The following DNAH9 variants were observed in gnomAD, a reference collection of about 807,000 sequenced individuals.
The protein encoded by DNAH9 is dynein axonemal heavy chain 9.
In DNAH9, 345 loss-of-function variants were observed where a neutral mutation model predicts 471.6. The observed-to-expected ratio is 0.73, with a 90% CI of 0.67 to 0.80. The LOEUF is 0.80. Ranked by LOEUF, DNAH9 falls within the 30% of genes least tolerant of loss-of-function variation. DNAH9 has a pLI of 0.00. For synonymous variants in DNAH9, 2,093 were observed against 2,123.6 expected (o/e 0.99, Z 0.40); for missense variants, 5,407 against 5,609.2 (o/e 0.96, Z 1.15).
intron 49 of DNAH9, among the ~76,000 whole-genome samples, chr17:11,839,740 T>C (rs953820952): frequency 6.6e-6 from 1 of 152,206 alleles, no homozygotes. Context: ...CTTTCCCTCC[T>C]GTTTTACTGT....
chr17:11,893,824 T>C (rs1477829285), intron 58 of DNAH9, among the ~76,000 whole-genome samples: 1 of 152,096 alleles, frequency 6.6e-6, no homozygotes, highest in Admixed American at 6.6e-5. Flanking sequence ...CCCATGTACA[T>C]CTATGTAACA....
At chr17:11,860,148 G>A (rs768532281) in intron 50 of DNAH9, among the ~76,000 whole-genome samples, 5 of 152,136 alleles carry the variant, frequency 3.3e-5, no homozygotes, top group African/African-American at 4.8e-5. Flanking sequence ...TTCTGTGAAC[G>A]TGTCTATATT....
intron 17 of DNAH9, among the ~76,000 whole-genome samples, chr17:11,679,203 G>A (rs549642602): frequency 6.6e-6 from 1 of 152,242 alleles, no homozygotes; most frequent in East Asian, 1.9e-4. Flanking sequence ...CTGCCATATA[G>A]TAAAGTGATA....
rs17612861 is a variant in DNAH9 at position 11,932,014 on chromosome 17, G to A, written c.12106G>A (p.Asp4036Asn). The change falls in exon 64 of 69, where the codon GAC becomes AAC. Residue 4036 changes from aspartate to asparagine, a missense_variant and splice_region_variant. Asp to Asn is a conservative substitution (Grantham distance 23). This residue lies in a region of DNAH9 where 4,636 missense variants were observed against 4,900.3 expected (regional missense o/e 0.95). Transcript: ENST00000262442. This position sits in a 1 kb window ranked among gnomAD's most constrained non-coding sequence, Gnocchi z 4.3. Reference sequence around the variant, plus strand: ...CTTAAAAGCGACACTCTCATTTCAGGACACTCTGGAGATGTGTTCTCGGGA... The same window carrying A: ...CTTAAAAGCGACACTCTCATTTCAGAACACTCTGGAGATGTGTTCTCGGGA... ...LHKALDNFTQ[D>N]TLEMCSRETE... The A allele has an allele frequency of 0.3, 489,697 of 1,613,426 alleles. 77,786 individuals carry two copies. The highest frequency in any genetic ancestry group is 0.34 in the Middle Eastern group (2,057 of 6,040).
chr17:11,640,759 C>T (rs572625675), intron 10 of DNAH9, among the ~76,000 whole-genome samples: 1 of 152,254 alleles, frequency 6.6e-6, no homozygotes, highest in African/African-American at 2.4e-5. Context: ...TCCTCAAGTG[C>T]AGTATGAGGT....
chr17:11,861,043 T>C (rs2150977048), intron 50 of DNAH9, among the ~76,000 whole-genome samples: 1 of 151,192 alleles, frequency 6.6e-6, no homozygotes, highest in Middle Eastern at 3.4e-3. Context: ...TTTTTTTTTA[T>C]ACTTTAAGTT....
chr17:11,756,596 T>C lies in DNAH9; in HGVS notation c.6767T>C (p.Ile2256Thr). 1 of 1,613,630 alleles carries C rather than the reference T, an allele frequency of 6.2e-7. No individual in the cohort carries two copies. The highest frequency in any genetic ancestry group is 8.5e-7 in the Non-Finnish European group (1 of 1,179,572). Residue 2256 changes from isoleucine to threonine, a missense_variant, in exon 34 of 69, where the codon ATT becomes ACT. Physicochemically the swap from Ile to Thr is moderately conservative, Grantham distance 89. Transcript: ENST00000262442. Reference sequence around the variant, plus strand: ...CTGACATTGGCCAGCAATGAGAGGATTCCTCTGAACCCCACCATGAAGCTC... The same window carrying C: ...CTGACATTGGCCAGCAATGAGAGGACTCCTCTGAACCCCACCATGAAGCTC... ...KVLTLASNER[I>T]PLNPTMKLLF...
intron 38 of DNAH9, among the ~76,000 whole-genome samples, chr17:11,774,964 A>T (rs1442005525): frequency 6.6e-6 from 1 of 152,220 alleles, no homozygotes; most frequent in East Asian, 1.9e-4. Context: ...AATTGAAATA[A>T]TGAACATAAC....
At chr17:11,848,494 G>A (rs908050045) in intron 49 of DNAH9, among the ~76,000 whole-genome samples, 17 of 151,506 alleles carry the variant, frequency 1.1e-4, no homozygotes, top group Middle Eastern at 3.4e-3. Flanking sequence ...TGAAATTTCT[G>A]AGAAATAATA....
At chr17:11,867,488 C>G (rs1343108590) in intron 50 of DNAH9, among the ~76,000 whole-genome samples, 1 of 151,940 alleles carries the variant, frequency 6.6e-6, no homozygotes, top group African/African-American at 2.4e-5. Context: ...TTCTCTCTTC[C>G]TTTTAATAAC....
At chr17:11,631,146 G>A (rs894939318) in intron 7 of DNAH9, among the ~76,000 whole-genome samples, 16 of 151,922 alleles carry the variant, frequency 1.1e-4, no homozygotes, top group African/African-American at 1.2e-4. Context: ...CAAAGAGCCC[G>A]CATCTCACCT....
intron 33 of DNAH9, among the ~76,000 whole-genome samples, chr17:11,756,115 A>G (rs1967374117): frequency 6.6e-6 from 1 of 152,106 alleles, no homozygotes; most frequent in South Asian, 2.1e-4. Context: ...GTCTCTACAA[A>G]AAATACAAAA....
At chr17:11,771,689 GT>G (rs1487390363) in intron 38 of DNAH9, among the ~76,000 whole-genome samples, 6 of 152,062 alleles carry the variant, frequency 3.9e-5, no homozygotes, top group Non-Finnish European at 7.4e-5. Context: ...GTTCAAATAT[GT>G]ACCCTTATTT....
chr17:11,647,244 C>A, intron 12 of DNAH9, 46 bp downstream of exon 12: 1 of 1,570,300 alleles, frequency 6.4e-7, no homozygotes, highest in Non-Finnish European at 8.7e-7. Context: ...TGAAGAGTTT[C>A]TTTGAACTCT....
At chr17:11,699,980 T>C in intron 23 of DNAH9, 97 bp downstream of exon 23, 1 of 1,312,800 alleles carries the variant, frequency 7.6e-7, no homozygotes, top group Non-Finnish European at 1.1e-6. Flanking sequence ...CTTTCTGACC[T>C]TGGTCCAGAG....
intron 63 of DNAH9, among the ~76,000 whole-genome samples, chr17:11,930,363 C>A (rs1342588779): frequency 1.3e-5 from 2 of 152,034 alleles, no homozygotes; most frequent in African/African-American, 4.8e-5. Flanking sequence ...ACCTAATATT[C>A]CAAGATGAAG....
chr17:11,747,833 G>A, intron 32 of DNAH9, 67 bp downstream of exon 32: 1 of 1,386,360 alleles, frequency 7.2e-7, no homozygotes. Flanking sequence ...GGGCTTGGAT[G>A]CAGTTGGGTG....
intron 19 of DNAH9, among the ~76,000 whole-genome samples, chr17:11,686,092 C>T (rs1258678315): frequency 6.6e-6 from 1 of 152,054 alleles, no homozygotes; most frequent in African/African-American, 2.4e-5. Context: ...GCATGAGACA[C>T]GTTGAGTTTT....
At chr17:11,841,136 A>G (rs1016847666) in intron 49 of DNAH9, among the ~76,000 whole-genome samples, 2 of 152,192 alleles carry the variant, frequency 1.3e-5, no homozygotes, top group Admixed American at 6.5e-5. Flanking sequence ...ACTCAATGAA[A>G]TGACTTTTCA....
Sources: gnomAD v4.1 joint callset for allele counts (sites outside exome capture counted in the v4.1 genomes callset) on GRCh38, gnomAD v4.1.1 for gene constraint, gnomAD v4.1.1 regional missense constraint, Gnocchi (gnomAD v3.1) non-coding constraint, MANE v1.5 for transcripts, NCBI Gene and HGNC (gene_info 2026-07-23, HGNC 2026-07-21) for gene names.